Variants in HIVEP3 observed in about 807,000 individuals in gnomAD.
HIVEP3 encodes transcription factor HIVEP3.
Under a neutral mutation model 152.8 loss-of-function variants are expected in HIVEP3, and 49 were observed. That is an observed-to-expected ratio of 0.32 (90% CI 0.26 to 0.41). The LOEUF is 0.41. HIVEP3 is among the 10% of genes least tolerant of loss of function. The pLI, the probability that HIVEP3 is intolerant of heterozygous loss-of-function variation, is 1.00. For synonymous variants in HIVEP3, 1,269 were observed against 1,289.0 expected (o/e 0.98, Z 0.33); for missense variants, 2,790 against 3,103.3 (o/e 0.90, Z 2.40).
intron 1 of HIVEP3, among the ~76,000 whole-genome samples, chr1:41,945,707 G>C (rs1014340980): frequency 6.6e-6 from 1 of 152,118 alleles, no homozygotes; most frequent in Non-Finnish European, 1.5e-5. Context: ...TTGCATGCTA[G>C]AAGGACTAAA....
At chr1:41,677,492 T>G (rs1276381510) in intron 2 of HIVEP3, among the ~76,000 whole-genome samples, 1 of 152,250 alleles carries the variant, frequency 6.6e-6, no homozygotes, top group Non-Finnish European at 1.5e-5. Context: ...GGGGTAGTGA[T>G]GCCTACCTCA....
At chr1:41,569,794 T>C (rs944597630) in intron 5 of HIVEP3, among the ~76,000 whole-genome samples, 7 of 152,238 alleles carry the variant, frequency 4.6e-5, no homozygotes, top group African/African-American at 1.7e-4. Flanking sequence ...CTGCGTACAC[T>C]GCATGAACTC....
intron 1 of HIVEP3, among the ~76,000 whole-genome samples, chr1:41,707,220 C>T (rs1169573207): frequency 1.3e-5 from 2 of 152,190 alleles, no homozygotes; most frequent in Admixed American, 6.5e-5. Flanking sequence ...TTAGACCATC[C>T]CCAGGGCACC....
At position 41,613,914 on chromosome 1, in the gene HIVEP3, T is replaced by C. The variant is rs552438002; in HGVS notation, c.-522+14835A>G. On this transcript the variant is annotated intron_variant, in intron 3 of 8. Transcript: ENST00000372583. ...TTCATAAAAATGGAATCACCCGCCA[T>C]ATGTCCTTTTGTGTCTGGCTTCTTT... is the stretch of plus-strand genomic sequence containing the variant. Among the ~76,000 whole-genome samples, 25 of 152,366 alleles carry C rather than the reference T, an allele frequency of 1.6e-4. 1 individual carries two copies. The highest frequency in any genetic ancestry group is 5.5e-4 in the African/African-American group (23 of 41,594).
chr1:41,724,053 C>A (rs553951146), intron 1 of HIVEP3, among the ~76,000 whole-genome samples: 2 of 152,078 alleles, frequency 1.3e-5, no homozygotes. Flanking sequence ...GTTTCTCTTG[C>A]GATAATAATA....
intron 5 of HIVEP3, among the ~76,000 whole-genome samples, chr1:41,545,416 T>C (rs1278142993): frequency 2.6e-4 from 5 of 19,086 alleles, no homozygotes; most frequent in Non-Finnish European, 3.6e-4. Context: ...AATACCACCA[T>C]CGCTACAATC....
rs1645725144 is a variant in HIVEP3, at chr1:41,662,210, G to C, written c.-720-33263C>G. On this transcript the variant is annotated intron_variant, in intron 2 of 8. Coordinates refer to ENST00000372583, the MANE Select transcript of HIVEP3 (RefSeq NM_024503.5). This position sits in a 1 kb window ranked among gnomAD's most constrained non-coding sequence, Gnocchi z 7.2. ...CTGGGCTGCGCTGGGCTGCGCGCCC[G>C]GCCTCCGCGCGGCTCGGCAGCGCCC... 2.7e-5 allele frequency: 4 copies of C among 146,246 alleles called. No individual in the cohort carries two copies. The South Asian group carries it at 8.3e-4, about 30-fold the overall frequency. The allele number at this position is 146,246 out of a possible 1,614,324, so 9.1% of individuals were successfully genotyped here. A position where few individuals can be genotyped will look rare whatever the true frequency, so the allele number is the denominator to read the frequency against.
intron 3 of HIVEP3, among the ~76,000 whole-genome samples, chr1:41,620,344 C>A (rs182435740): frequency 1.1e-3 from 166 of 152,326 alleles, no homozygotes; most frequent in African/African-American, 3.6e-3. Context: ...GACATAGTTT[C>A]TTTTAGGATA....
chr1:41,923,356 G>A (rs1203588294), upstream of HIVEP3, among the ~76,000 whole-genome samples: 3 of 152,146 alleles, frequency 2.0e-5, no homozygotes. Flanking sequence ...TAAACCTAGA[G>A]GACATTATGT....
intron 3 of HIVEP3, among the ~76,000 whole-genome samples, chr1:41,606,356 G>T (rs1233362749): frequency 6.6e-6 from 1 of 151,818 alleles, no homozygotes; most frequent in Non-Finnish European, 1.5e-5. Context: ...CTTCCCTCCT[G>T]CCCACCTTCA....
intron 1 of HIVEP3, among the ~76,000 whole-genome samples, chr1:42,022,670 G>A (rs1279571368): frequency 6.6e-6 from 1 of 152,144 alleles, no homozygotes; most frequent in Non-Finnish European, 1.5e-5. Flanking sequence ...TTAAACAATT[G>A]TCTGGTTAAG....
At chr1:42,013,810 T>C (rs1460467716) in intron 1 of HIVEP3, among the ~76,000 whole-genome samples, 1 of 152,186 alleles carries the variant, frequency 6.6e-6, no homozygotes, top group Admixed American at 6.5e-5. Context: ...TTTGAAGACA[T>C]AACCCAAAGC....
At chr1:41,646,883 A>G (rs6700390) in intron 2 of HIVEP3, among the ~76,000 whole-genome samples, 93,075 of 152,076 alleles carry the variant, frequency 0.61, 28,743 homozygotes, top group African/African-American at 0.67. Flanking sequence ...TCCAGGTGTT[A>G]ACAGGGCTGC....
At chr1:41,921,016 T>A (rs1373625002), upstream of HIVEP3, among the ~76,000 whole-genome samples, 1 of 152,200 alleles carries the variant, frequency 6.6e-6, no homozygotes, top group Non-Finnish European at 1.5e-5. Flanking sequence ...AGAAAAAGCC[T>A]CCCAGAGTTA....
chr1:41,644,307 G>A (rs7553906), intron 2 of HIVEP3, among the ~76,000 whole-genome samples: 10,840 of 152,094 alleles, frequency 0.071, 860 homozygotes, highest in African/African-American at 0.2. Flanking sequence ...GTGTGGTGAG[G>A]AGGTGGGTGA....
At chr1:41,628,211 C>T (rs1558127953) in intron 3 of HIVEP3, among the ~76,000 whole-genome samples, 3 of 152,198 alleles carry the variant, frequency 2.0e-5, no homozygotes, top group Non-Finnish European at 4.4e-5. Flanking sequence ...CCAACCCTGA[C>T]ATCTTTTCAA....
intron 5 of HIVEP3, among the ~76,000 whole-genome samples, chr1:41,531,800 G>A (rs1286539524): frequency 2.0e-4 from 10 of 50,216 alleles, no homozygotes; most frequent in Admixed American, 2.1e-4. Flanking sequence ...CAGGGGAGAC[G>A]GAGGACAGGA....
chr1:41,899,326 A>C (rs1644582631), intron 1 of HIVEP3, among the ~76,000 whole-genome samples: 1 of 152,256 alleles, frequency 6.6e-6, no homozygotes, highest in African/African-American at 2.4e-5. Flanking sequence ...CTACCTAAAA[A>C]GAAAAATTAA....
chr1:41,627,178 C>T (rs550312261), intron 3 of HIVEP3, among the ~76,000 whole-genome samples: 20 of 152,334 alleles, frequency 1.3e-4, no homozygotes, highest in African/African-American at 2.6e-4. Context: ...TGCCCACACA[C>T]GCCAGAAGGG....
Sources: allele counts gnomAD v4.1 joint callset (sites outside exome capture counted in the v4.1 genomes callset), GRCh38; gene constraint gnomAD v4.1.1; non-coding constraint Gnocchi (gnomAD v3.1); transcripts MANE v1.5; gene names NCBI Gene and HGNC (gene_info 2026-07-23, HGNC 2026-07-21).